Variants in C10orf95 observed in about 807,000 individuals in gnomAD.
C10orf95 encodes the protein uncharacterized protein C10orf95.
For synonymous variants in C10orf95, 188 were observed against 160.4 expected (o/e 1.17, Z -1.30); for missense variants, 412 against 327.4 (o/e 1.26, Z -1.99).
chr10:102,450,814 TGCCGGCGGCGGCGCAGG>T lies in C10orf95; in HGVS notation c.263_279del (p.Pro88HisfsTer149), dbSNP rs1240626451. 1 of 1,251,332 alleles carries T rather than the reference TGCCGGCGGCGGCGCAGG, an allele frequency of 8.0e-7. No individual in the cohort carries two copies. Among genetic ancestry groups the T allele is most frequent in the Admixed American group, 4.3e-5 (1 of 23,348 alleles). The allele number at this position is 1,251,332 out of a possible 1,614,324, so 77.5% of individuals were successfully genotyped here. A position where few individuals can be genotyped will look rare whatever the true frequency, so the allele number is the denominator to read the frequency against. On this transcript the variant is annotated frameshift_variant, in exon 2 of 2. Transcript: ENST00000625129. LOFTEE classifies it low-confidence loss of function (END_TRUNC). ...GGCGCCTGCAGCGACAGTCCCGAGATGCCGGCGGCGGCGCAGGGCCGGCGCAGGGTCGTGGCGTAGGC... is the reference window on the plus strand; with the variant it reads ...GGCGCCTGCAGCGACAGTCCCGAGATGCCGGCGCAGGGTCGTGGCGTAGGC...
Position 102,450,848 on chromosome 10 carries a change from G to A in C10orf95, c.246C>T (p.Ala82=), listed in dbSNP as rs1233268656. The A allele has an allele frequency of 6.5e-6, 8 of 1,237,356 alleles. No individual in the cohort carries two copies. In the African/African-American group the frequency reaches 9.4e-5, roughly 14 times the overall value. 76.6% of individuals were successfully genotyped at this position (1,237,356 alleles called of 1,614,324 possible). ...CGGCGCAGGGCCGGCGCAGGGTCGTGGCGTAGGCCGGAGGGCAGGCCCACC... is the reference window on the plus strand; with the variant it reads ...CGGCGCAGGGCCGGCGCAGGGTCGTAGCGTAGGCCGGAGGGCAGGCCCACC... ...PPWWACPPAY[A]TTLRRPCAAA... is the part of the protein sequence containing the mutation. Residue 82 remains alanine, a synonymous_variant, in exon 2 of 2, where the codon GCC becomes GCT. Transcript: ENST00000625129.
rs542007109 is a variant in C10orf95, at chr10:102,451,384, A to T, written c.-55+2T>A. On this transcript the variant is annotated splice_donor_variant, in intron 1 of 1. Transcript: ENST00000625129. LOFTEE classifies it low-confidence loss of function (5UTR_SPLICE). ...TGCTCTTCCCAGTGACTCCCCACTCACTTGTCTCCTTCAGCCTTGGGGAGC... is the reference window on the plus strand; with the variant it reads ...TGCTCTTCCCAGTGACTCCCCACTCTCTTGTCTCCTTCAGCCTTGGGGAGC... 12 of 1,548,348 alleles carry T rather than the reference A, an allele frequency of 7.8e-6. No homozygotes were observed. The South Asian group carries it at 1.1e-4, about 14-fold the overall frequency.
At position 102,449,950 on chromosome 10, in the gene C10orf95, C is replaced by CCGCG. The variant is rs1314551831; in HGVS notation, c.*498_*501dup. 9 of 212,588 alleles carry CCGCG rather than the reference C, an allele frequency of 4.2e-5. No homozygotes were observed. The highest frequency in any genetic ancestry group is 9.1e-5 in the Non-Finnish European group (9 of 99,174). The allele number at this position is 212,588 out of a possible 1,614,324, so 13.2% of individuals were successfully genotyped here. On this transcript the variant is annotated 3_prime_UTR_variant, in exon 2 of 2. Transcript: ENST00000625129. ...GTGCTGGGATTCCAGGCGTGAGCTA[C>CCGCG]CGCGCCCGGCCTATTTACTTTTCTT... is the stretch of plus-strand genomic sequence containing the variant.
In C10orf95 at chr10:102,450,633, C is replaced by CG. The variant is rs936204318; in HGVS notation, c.460dup (p.Arg154ProfsTer89). 1 of 1,237,698 alleles carries CG rather than the reference C, an allele frequency of 8.1e-7. No homozygotes were observed. Among genetic ancestry groups the CG allele is most frequent in the Non-Finnish European group, 1.0e-6 (1 of 992,794 alleles). 76.7% of individuals were successfully genotyped at this position (1,237,698 alleles called of 1,614,324 possible). On this transcript the variant is annotated frameshift_variant, in exon 2 of 2. Transcript: ENST00000625129. LOFTEE classifies it low-confidence loss of function (END_TRUNC). The stretch of plus-strand genomic sequence containing the variant: ...GCGCTGGGTGACGCGCACGTCGGCG[C>CG]GGGGGTAGGTGCCGTACGCGCGCCG...
rs2061681759 is a variant in C10orf95, at chr10:102,450,042, G to C, written c.*410C>G. 4.2e-6 allele frequency: 1 copy of C among 239,520 alleles called. No homozygotes were observed. The highest frequency in any genetic ancestry group is 8.8e-6 in the Non-Finnish European group (1 of 113,318). The allele number at this position is 239,520 out of a possible 1,614,324, so 14.8% of individuals were successfully genotyped here. The stretch of plus-strand genomic sequence containing the variant: ...GCGGGGGTAGGGGAGCGGTGGGAAA[G>C]GGGGGTGGGCGACGACTCTGATAGA... On this transcript the variant is annotated 3_prime_UTR_variant, in exon 2 of 2. Transcript: ENST00000625129.
Position 102,451,517 on chromosome 10 carries a change from T to A in C10orf95, c.-186A>T, listed in dbSNP as rs756969750. The A allele has an allele frequency of 2.0e-5, 27 of 1,349,430 alleles. No homozygotes were observed. In the South Asian group the frequency reaches 3.1e-4, roughly 16 times the overall value. 83.6% of individuals were successfully genotyped at this position (1,349,430 alleles called of 1,614,324 possible). On this transcript the variant is annotated 5_prime_UTR_variant, in exon 1 of 2. Transcript: ENST00000625129. ...GGTTACCAGGCAAAAGGAAACACCT[T>A]GAGCTGGCCAGGAGCTACCAGCGTC...
Position 102,450,715 on chromosome 10 carries a change from C to A in C10orf95, c.379G>T (p.Val127Leu), listed in dbSNP as rs1431471624. Reference sequence around the variant, plus strand: ...AGAGGGGGGCCCCGCGCGCGCTCCACGCGGCCCCAGCGCAGCTCGGTTTGC... The same window carrying A: ...AGAGGGGGGCCCCGCGCGCGCTCCAAGCGGCCCCAGCGCAGCTCGGTTTGC... ...SLQTELRWGR[V>L]ERARGPPLQL... is the part of the protein sequence containing the mutation. The change falls in exon 2 of 2, where the codon GTG becomes TTG. Residue 127 changes from valine (V) to leucine (L), a missense_variant. Transcript: ENST00000625129. The A allele has an allele frequency of 1.6e-6, 2 of 1,272,618 alleles. No individual in the cohort carries two copies. Among genetic ancestry groups the A allele is most frequent in the Non-Finnish European group, 2.0e-6 (2 of 1,007,692 alleles). The allele number at this position is 1,272,618 out of a possible 1,614,324, so 78.8% of individuals were successfully genotyped here. A position where few individuals can be genotyped will look rare whatever the true frequency, so the allele number is the denominator to read the frequency against.
chr10:102,450,489 T>A lies in C10orf95; in HGVS notation c.605A>T (p.Glu202Val), dbSNP rs1409314270. ...CTTGCTCTTCCTGGGGCGGCCGCGC[T>A]CCGCGGCTTCCCGGGCTGGGCTGCT... ...GDSSPAREAA[E>V]RGRPRKSKGL... Residue 202 changes from glutamate (E) to valine (V), a missense_variant, in exon 2 of 2, where the codon GAG becomes GTG. Transcript: ENST00000625129. 2 of 1,448,596 alleles carry A rather than the reference T, an allele frequency of 1.4e-6. No individual in the cohort carries two copies. Among genetic ancestry groups the A allele is most frequent in the South Asian group, 2.7e-5 (2 of 72,876 alleles). The allele number at this position is 1,448,596 out of a possible 1,614,324, so 89.7% of individuals were successfully genotyped here. A position where few individuals can be genotyped will look rare whatever the true frequency, so the allele number is the denominator to read the frequency against.
rs200900514 is a variant in C10orf95, at chr10:102,450,997, G to A, written c.97C>T (p.Pro33Ser). Residue 33 changes from proline (P) to serine (S), a missense_variant, in exon 2 of 2, where the codon CCC (proline) becomes TCC (serine). Physicochemically the swap from Pro to Ser is moderately conservative, Grantham distance 74. Coordinates refer to ENST00000625129, the MANE Select transcript of C10orf95 (RefSeq NM_001363580.1). ...CTYLAAPLLL[P>S]PVQAHSFRSR... ...CGGAAGCTGTGGGCCTGGACTGGGG[G>A]TAGCAGCAGAGGGGCGGCCAGGTAG... 3 of 1,317,472 alleles carry A rather than the reference G, an allele frequency of 2.3e-6. No individual in the cohort carries two copies. The highest frequency in any genetic ancestry group is 5.6e-5 in the East Asian group (2 of 35,956). 81.6% of individuals were successfully genotyped at this position (1,317,472 alleles called of 1,614,324 possible).
Position 102,450,412 on chromosome 10 carries a change from G to A in C10orf95, c.*40C>T. 6.6e-7 allele frequency: 1 copy of A among 1,522,836 alleles called. No individual in the cohort carries two copies. The highest frequency in any genetic ancestry group is 8.8e-7 in the Non-Finnish European group (1 of 1,136,976). 94.3% of individuals were successfully genotyped at this position (1,522,836 alleles called of 1,614,324 possible). On this transcript the variant is annotated 3_prime_UTR_variant, in exon 2 of 2. Transcript: ENST00000625129. ...GGCGGCACACACAGGAAAGAGCCAA[G>A]CGCGTGCACGCGGGCCCGCCCCTAG...
chr10:102,450,115 TAGG>T lies in C10orf95; in HGVS notation c.*334_*336del. The T allele has an allele frequency of 2.5e-6, 1 of 403,902 alleles. No individual in the cohort carries two copies. Among genetic ancestry groups the T allele is most frequent in the Admixed American group, 3.4e-5 (1 of 29,294 alleles). The allele number at this position is 403,902 out of a possible 1,614,324, so 25.0% of individuals were successfully genotyped here. ...GGGGCTTACTGCAGGGCAAGCTCCT[TAGG>T]AGAAGGTGGGGAGGAGGAAGGAGGG... On this transcript the variant is annotated 3_prime_UTR_variant, in exon 2 of 2. Coordinates refer to ENST00000625129, the MANE Select transcript of C10orf95 (RefSeq NM_001363580.1).
chr10:102,450,828 CAGGGCCGGCGCAGGGTCGTGGCGT>C lies in C10orf95; in HGVS notation c.242_265del (p.Tyr81_Pro88del), dbSNP rs2061687798. 3 of 1,249,826 alleles carry C rather than the reference CAGGGCCGGCGCAGGGTCGTGGCGT, an allele frequency of 2.4e-6. No individual in the cohort carries two copies. The highest frequency in any genetic ancestry group is 2.0e-6 in the Non-Finnish European group (2 of 1,000,678). The allele number at this position is 1,249,826 out of a possible 1,614,324, so 77.4% of individuals were successfully genotyped here. On this transcript the variant is annotated inframe_deletion, in exon 2 of 2. Transcript: ENST00000625129. Reference sequence around the variant, plus strand: ...CAGTCCCGAGATGCCGGCGGCGGCGCAGGGCCGGCGCAGGGTCGTGGCGTAGGCCGGAGGGCAGGCCCACCAGGG... The same window carrying C: ...CAGTCCCGAGATGCCGGCGGCGGCGCAGGCCGGAGGGCAGGCCCACCAGGG...
At position 102,450,565 on chromosome 10, in the gene C10orf95, GCT is replaced by G. The variant is rs2061685245; in HGVS notation, c.527_528del (p.Glu176AlafsTer66). On this transcript the variant is annotated frameshift_variant, in exon 2 of 2. Coordinates refer to ENST00000625129, the MANE Select transcript of C10orf95 (RefSeq NM_001363580.1). LOFTEE classifies it low-confidence loss of function (END_TRUNC). ...FLLQATPRVL[E>X]PDHRVEWRVR... The stretch of plus-strand genomic sequence containing the variant: ...ACGCGCCACTCCACGCGGTGGTCGG[GCT>G]CGAGCACGCGCGGCGTCGCCTGCAG... The G allele has an allele frequency of 2.8e-5, 36 of 1,296,074 alleles. No individual in the cohort carries two copies. Among genetic ancestry groups the G allele is most frequent in the Non-Finnish European group, 3.5e-5 (36 of 1,026,854 alleles). The allele number at this position is 1,296,074 out of a possible 1,614,324, so 80.3% of individuals were successfully genotyped here.
Position 102,450,635 on chromosome 10 carries a change from G to T in C10orf95, c.459C>A (p.Pro153=), listed in dbSNP as rs1054632861. The change falls in exon 2 of 2, where the codon CCC becomes CCA. Residue 153 remains proline (P), a synonymous_variant. Transcript: ENST00000625129. The part of the protein sequence containing the change: ...RELRRAYGTY[P]RADVRVTQRR... ...GCTGGGTGACGCGCACGTCGGCGCGGGGGTAGGTGCCGTACGCGCGCCGCA... is the reference window on the plus strand; with the variant it reads ...GCTGGGTGACGCGCACGTCGGCGCGTGGGTAGGTGCCGTACGCGCGCCGCA... 79 of 1,237,952 alleles carry T rather than the reference G, an allele frequency of 6.4e-5. No individual in the cohort carries two copies. The highest frequency in any genetic ancestry group is 7.9e-5 in the Non-Finnish European group (78 of 992,996). The allele number at this position is 1,237,952 out of a possible 1,614,324, so 76.7% of individuals were successfully genotyped here. A position where few individuals can be genotyped will look rare whatever the true frequency, so the allele number is the denominator to read the frequency against.
Position 102,450,808 on chromosome 10 carries a change from C to T in C10orf95, c.286G>A (p.Gly96Arg). The change falls in exon 2 of 2, where the codon GGA becomes AGA. Residue 96 changes from glycine (G) to arginine (R), a missense_variant. Physicochemically the swap from Gly to Arg is moderately radical, Grantham distance 125. Coordinates refer to ENST00000625129, the MANE Select transcript of C10orf95 (RefSeq NM_001363580.1). Reference sequence around the variant, plus strand: ...GCCGCGGGCGCCTGCAGCGACAGTCCCGAGATGCCGGCGGCGGCGCAGGGC... The same window carrying T: ...GCCGCGGGCGCCTGCAGCGACAGTCTCGAGATGCCGGCGGCGGCGCAGGGC... ...RRPCAAAGISGLSLQAPAAVA... is the reference protein window; with the variant it reads ...RRPCAAAGISRLSLQAPAAVA... The T allele has an allele frequency of 1.6e-6, 2 of 1,255,446 alleles. No homozygotes were observed. Among genetic ancestry groups the T allele is most frequent in the South Asian group, 3.2e-5 (1 of 31,718 alleles). The allele number at this position is 1,255,446 out of a possible 1,614,324, so 77.8% of individuals were successfully genotyped here. A position where few individuals can be genotyped will look rare whatever the true frequency, so the allele number is the denominator to read the frequency against.
In C10orf95 at chr10:102,450,792, G is replaced by T; in HGVS notation, c.302C>A (p.Ala101Glu). The T allele has an allele frequency of 7.9e-7, 1 of 1,269,906 alleles. No individual in the cohort carries two copies. The allele number at this position is 1,269,906 out of a possible 1,614,324, so 78.7% of individuals were successfully genotyped here. A position where few individuals can be genotyped will look rare whatever the true frequency, so the allele number is the denominator to read the frequency against. Reference protein sequence around the residue: ...AAGISGLSLQAPAAVAESWAP... With the variant: ...AAGISGLSLQEPAAVAESWAP... ...CCAGCTCTCGGCCACCGCCGCGGGC[G>T]CCTGCAGCGACAGTCCCGAGATGCC... Residue 101 changes from alanine (A) to glutamate (E), a missense_variant, in exon 2 of 2, where the codon GCG becomes GAG. By Grantham distance (107) the Ala-to-Glu change is moderately radical. Transcript: ENST00000625129.
Position 102,451,085 on chromosome 10 carries a change from C to T in C10orf95, c.9G>A (p.Val3=), listed in dbSNP as rs753003860. The T allele has an allele frequency of 2.1e-6, 3 of 1,435,092 alleles. No homozygotes were observed. The highest frequency in any genetic ancestry group is 2.6e-5 in the Admixed American group (1 of 38,360). 88.9% of individuals were successfully genotyped at this position (1,435,092 alleles called of 1,614,324 possible). A position where few individuals can be genotyped will look rare whatever the true frequency, so the allele number is the denominator to read the frequency against. The part of the protein sequence containing the change: MY[V]YSWPPPKQGV... ...CCTGTTTGGGCGGCGGCCAGCTGTA[C>T]ACATACATGGTCGGCCCCCCAGGCG... The change falls in exon 2 of 2, where the codon GTG becomes GTA. Residue 3 remains valine, a synonymous_variant. Coordinates refer to ENST00000625129, the MANE Select transcript of C10orf95 (RefSeq NM_001363580.1).
chr10:102,450,979 T>A lies in C10orf95; in HGVS notation c.115A>T (p.Ser39Cys). ...AGGCTCCCGGGCCGGCTGCGGAAGC[T>A]GTGGGCCTGGACTGGGGGTAGCAGC... ...PLLLPPVQAH[S>C]FRSRPGSLHA... Residue 39 changes from serine (S) to cysteine (C), a missense_variant, in exon 2 of 2, where the codon AGC becomes TGC. Ser to Cys is a moderately radical substitution (Grantham distance 112). Coordinates refer to ENST00000625129, the MANE Select transcript of C10orf95 (RefSeq NM_001363580.1). 4 of 1,298,374 alleles carry A rather than the reference T, an allele frequency of 3.1e-6. No individual in the cohort carries two copies. Among genetic ancestry groups the A allele is most frequent in the Non-Finnish European group, 3.9e-6 (4 of 1,021,816 alleles). 80.4% of individuals were successfully genotyped at this position (1,298,374 alleles called of 1,614,324 possible). A position where few individuals can be genotyped will look rare whatever the true frequency, so the allele number is the denominator to read the frequency against.
Position 102,450,538 on chromosome 10 carries a change from G to A in C10orf95, c.556C>T (p.Arg186Trp), listed in dbSNP as rs1248653084. The change falls in exon 2 of 2, where the codon CGG becomes TGG. Residue 186 changes from arginine to tryptophan, a missense_variant. By Grantham distance (101) the Arg-to-Trp change is moderately radical. Transcript: ENST00000625129. ...EPDHRVEWRV[R>W]RRPDSGDSSP... ...CTGTCGCCGCTGTCGGGCCGGCGCC[G>A]CACGCGCCACTCCACGCGGTGGTCG... is the stretch of plus-strand genomic sequence containing the variant. The A allele has an allele frequency of 3.7e-6, 5 of 1,366,514 alleles. No homozygotes were observed. The highest frequency in any genetic ancestry group is 1.7e-5 in the South Asian group (1 of 58,304). The allele number at this position is 1,366,514 out of a possible 1,614,324, so 84.6% of individuals were successfully genotyped here.
Sources: gnomAD v4.1 joint callset for allele counts on GRCh38, gnomAD v4.1.1 for gene constraint, MANE v1.5 for transcripts, NCBI Gene and HGNC (gene_info 2026-07-23, HGNC 2026-07-21) for gene names.